Variants in KCNQ1OT1 observed in about 807,000 individuals in gnomAD.
KCNQ1OT1 encodes KCNQ1 antisense RNA 2 (non-protein coding).
Position 2,645,263 on chromosome 11 carries a change from C to A in KCNQ1OT1, n.54732G>T. On this transcript the variant is annotated non_coding_transcript_exon_variant, in exon 1 of 1. Coordinates refer to ENST00000597346, the Ensembl canonical transcript of KCNQ1OT1. The surrounding 1 kb of genome is among the most constrained non-coding windows in gnomAD (Gnocchi z 5.8). Reference sequence around the variant, plus strand: ...GAATGCCAGTTGTGGTGGTAATGGTCAGTTGGGTAGGGCAGTCCTCAAGCC... The same window carrying A: ...GAATGCCAGTTGTGGTGGTAATGGTAAGTTGGGTAGGGCAGTCCTCAAGCC... 2.5e-6 allele frequency: 1 copy of A among 398,606 alleles called. No homozygotes were observed. Among genetic ancestry groups the A allele is most frequent in the South Asian group, 1.3e-4 (1 of 7,826 alleles). The allele number at this position is 398,606 out of a possible 1,614,324, so 24.7% of individuals were successfully genotyped here. A position where few individuals can be genotyped will look rare whatever the true frequency, so the allele number is the denominator to read the frequency against.
At chr11:2,619,413 G>C in exon 1 of KCNQ1OT1, 1 of 398,522 alleles carries the variant, frequency 2.5e-6, no homozygotes, top group Non-Finnish European at 4.4e-6. Flanking sequence ...TACTTTTTGT[G>C]TGTCAATTGA....
At position 2,691,091 on chromosome 11, in the gene KCNQ1OT1, A is replaced by G. The variant is rs559656515; in HGVS notation, n.8904T>C. On this transcript the variant is annotated non_coding_transcript_exon_variant, in exon 1 of 1. Transcript: ENST00000597346. The surrounding 1 kb of genome is among the most constrained non-coding windows in gnomAD (Gnocchi z 6.4). Reference sequence around the variant, plus strand: ...GCACCTTTGTTCTAGATGCCTGCAGATTCCTGACAACAGTAGGGGTGGAGG... The same window carrying G: ...GCACCTTTGTTCTAGATGCCTGCAGGTTCCTGACAACAGTAGGGGTGGAGG... 306 of 398,656 alleles carry G rather than the reference A, an allele frequency of 7.7e-4. 1 individual carries two copies. The highest frequency in any genetic ancestry group is 5.6e-3 in the African/African-American group (273 of 48,740). 24.7% of individuals were successfully genotyped at this position (398,656 alleles called of 1,614,324 possible).
chr11:2,625,844 C>T (rs765950254), exon 1 of KCNQ1OT1: 1 of 398,640 alleles, frequency 2.5e-6, no homozygotes, highest in Non-Finnish European at 4.4e-6. Context: ...ACTGGGATTA[C>T]AGGCGTGAGC....
In KCNQ1OT1 at chr11:2,627,436, C is replaced by T. The variant is rs1353590855; in HGVS notation, n.72559G>A. 2.5e-6 allele frequency: 1 copy of T among 398,324 alleles called. No individual in the cohort carries two copies. Among genetic ancestry groups the T allele is most frequent in the Non-Finnish European group, 4.4e-6 (1 of 226,010 alleles). 24.7% of individuals were successfully genotyped at this position (398,324 alleles called of 1,614,324 possible). On this transcript the variant is annotated non_coding_transcript_exon_variant, in exon 1 of 1. Transcript: ENST00000597346. The surrounding 1 kb of genome is among the most constrained non-coding windows in gnomAD (Gnocchi z 4.9). ...TTCATCTGATAACTCTATGTTTGTA[C>T]CCTTCAACATTTCCTATTTCCCCTA...
At position 2,671,136 on chromosome 11, in the gene KCNQ1OT1, A is replaced by G. The variant is rs1850176686; in HGVS notation, n.28859T>C. The G allele has an allele frequency of 1.0e-5, 4 of 398,540 alleles. No individual in the cohort carries two copies. The highest frequency in any genetic ancestry group is 4.4e-5 in the Admixed American group (1 of 22,716). The allele number at this position is 398,540 out of a possible 1,614,324, so 24.7% of individuals were successfully genotyped here. ...TAGTCTGTCAGGCCTGGTTGGTCCCATGGGAGGCCTGAGGTGCCATCTTAG... is the reference window on the plus strand; with the variant it reads ...TAGTCTGTCAGGCCTGGTTGGTCCCGTGGGAGGCCTGAGGTGCCATCTTAG... On this transcript the variant is annotated non_coding_transcript_exon_variant, in exon 1 of 1. Coordinates refer to ENST00000597346, the Ensembl canonical transcript of KCNQ1OT1. The surrounding 1 kb of genome is among the most constrained non-coding windows in gnomAD (Gnocchi z 4.7).
chr11:2,660,984 A>G, exon 1 of KCNQ1OT1: 1 of 398,640 alleles, frequency 2.5e-6, no homozygotes, highest in Non-Finnish European at 4.4e-6. Context: ...ACTATTATGT[A>G]ATGACTAAAA....
Position 2,663,088 on chromosome 11 carries a change from C to A in KCNQ1OT1, n.36907G>T. On this transcript the variant is annotated non_coding_transcript_exon_variant, in exon 1 of 1. Coordinates refer to ENST00000597346, the Ensembl canonical transcript of KCNQ1OT1. The surrounding 1 kb of genome is among the most constrained non-coding windows in gnomAD (Gnocchi z 5.2). ...GGGTTGGGTAGCCAGAATGAGGCCACCTCCAGGGAAGGAGTGGCTATCTTA... is the reference window on the plus strand; with the variant it reads ...GGGTTGGGTAGCCAGAATGAGGCCAACTCCAGGGAAGGAGTGGCTATCTTA... The A allele has an allele frequency of 2.5e-6, 1 of 398,676 alleles. No homozygotes were observed. The highest frequency in any genetic ancestry group is 4.4e-6 in the Non-Finnish European group (1 of 226,132). The allele number at this position is 398,676 out of a possible 1,614,324, so 24.7% of individuals were successfully genotyped here.
chr11:2,631,253 T>C (rs1849348107), exon 1 of KCNQ1OT1: 2 of 398,410 alleles, frequency 5.0e-6, no homozygotes. Context: ...CCATAAATCC[T>C]GTAAACTTCC....
chr11:2,645,792 G>A lies in KCNQ1OT1; in HGVS notation n.54203C>T, dbSNP rs1237919312. 1 of 398,760 alleles carries A rather than the reference G, an allele frequency of 2.5e-6. No homozygotes were observed. The highest frequency in any genetic ancestry group is 2.1e-5 in the African/African-American group (1 of 48,748). 24.7% of individuals were successfully genotyped at this position (398,760 alleles called of 1,614,324 possible). A position where few individuals can be genotyped will look rare whatever the true frequency, so the allele number is the denominator to read the frequency against. The stretch of plus-strand genomic sequence containing the variant: ...TGGGGCCCACAGCAGATGCAGTCTG[G>A]TGGGGGTTGGGCTATCAAAATGGGA... On this transcript the variant is annotated non_coding_transcript_exon_variant, in exon 1 of 1. Coordinates refer to ENST00000597346, the Ensembl canonical transcript of KCNQ1OT1. This position sits in a 1 kb window ranked among gnomAD's most constrained non-coding sequence, Gnocchi z 5.8.
chr11:2,639,050 G>A (rs925393678), exon 1 of KCNQ1OT1: 2 of 152,212 alleles, frequency 1.3e-5, no homozygotes, highest in Non-Finnish European at 2.9e-5. Flanking sequence ...CTTGTGCCAT[G>A]GTTTTCTGCT....
Position 2,645,754 on chromosome 11 carries a change from A to G in KCNQ1OT1, n.54241T>C. ...GGATGTCCATGGGGCTCCAGGGATGAGATAGAGGGATGTGGGGCCCACAGC... is the reference window on the plus strand; with the variant it reads ...GGATGTCCATGGGGCTCCAGGGATGGGATAGAGGGATGTGGGGCCCACAGC... On this transcript the variant is annotated non_coding_transcript_exon_variant, in exon 1 of 1. Coordinates refer to ENST00000597346, the Ensembl canonical transcript of KCNQ1OT1. The surrounding 1 kb of genome is among the most constrained non-coding windows in gnomAD (Gnocchi z 5.8). 1 of 398,786 alleles carries G rather than the reference A, an allele frequency of 2.5e-6. No individual in the cohort carries two copies. Among genetic ancestry groups the G allele is most frequent in the East Asian group, 3.6e-5 (1 of 28,072 alleles). The allele number at this position is 398,786 out of a possible 1,614,324, so 24.7% of individuals were successfully genotyped here.
Position 2,673,979 on chromosome 11 carries a change from G to C in KCNQ1OT1, n.26016C>G, listed in dbSNP as rs998681304. On this transcript the variant is annotated non_coding_transcript_exon_variant, in exon 1 of 1. Coordinates refer to ENST00000597346, the Ensembl canonical transcript of KCNQ1OT1. The surrounding 1 kb of genome is among the most constrained non-coding windows in gnomAD (Gnocchi z 4.5). ...CAGCCACAAGGGGATGCCCAGCATTGGGGGTGGGGTGGGGGGAGGGCCCTC... is the reference window on the plus strand; with the variant it reads ...CAGCCACAAGGGGATGCCCAGCATTCGGGGTGGGGTGGGGGGAGGGCCCTC... 4.2e-6 allele frequency: 1 copy of C among 235,742 alleles called. No homozygotes were observed. The highest frequency in any genetic ancestry group is 2.3e-5 in the African/African-American group (1 of 43,120). 14.6% of individuals were successfully genotyped at this position (235,742 alleles called of 1,614,324 possible). A position where few individuals can be genotyped will look rare whatever the true frequency, so the allele number is the denominator to read the frequency against.
At position 2,669,586 on chromosome 11, in the gene KCNQ1OT1, C is replaced by T. The variant is rs925801316; in HGVS notation, n.30409G>A. 2.5e-6 allele frequency: 1 copy of T among 398,516 alleles called. No homozygotes were observed. The highest frequency in any genetic ancestry group is 4.4e-6 in the Non-Finnish European group (1 of 226,084). 24.7% of individuals were successfully genotyped at this position (398,516 alleles called of 1,614,324 possible). A position where few individuals can be genotyped will look rare whatever the true frequency, so the allele number is the denominator to read the frequency against. On this transcript the variant is annotated non_coding_transcript_exon_variant, in exon 1 of 1. Coordinates refer to ENST00000597346, the Ensembl canonical transcript of KCNQ1OT1. This position sits in a 1 kb window ranked among gnomAD's most constrained non-coding sequence, Gnocchi z 5.6. ...GGCCAGCTTGGGTCATTTCATCCTGCCCACAGGACACTGGGGCAGTCACCT... is the reference window on the plus strand; with the variant it reads ...GGCCAGCTTGGGTCATTTCATCCTGTCCACAGGACACTGGGGCAGTCACCT...
chr11:2,626,523 A>G lies in KCNQ1OT1; in HGVS notation n.73472T>C. ...TAGTTTTGATTACTGTAGCTTCGTAATAAGTTGGGGTTTTTGTTTGTTTTT... is the reference window on the plus strand; with the variant it reads ...TAGTTTTGATTACTGTAGCTTCGTAGTAAGTTGGGGTTTTTGTTTGTTTTT... On this transcript the variant is annotated non_coding_transcript_exon_variant, in exon 1 of 1. Transcript: ENST00000597346. This position sits in a 1 kb window ranked among gnomAD's most constrained non-coding sequence, Gnocchi z 4.0. 2.5e-6 allele frequency: 1 copy of G among 398,506 alleles called. No homozygotes were observed. The highest frequency in any genetic ancestry group is 4.4e-6 in the Non-Finnish European group (1 of 226,058). The allele number at this position is 398,506 out of a possible 1,614,324, so 24.7% of individuals were successfully genotyped here.
At chr11:2,650,106 CATTTA>C in exon 1 of KCNQ1OT1, 1 of 398,282 alleles carries the variant, frequency 2.5e-6, no homozygotes, top group Non-Finnish European at 4.4e-6. Flanking sequence ...TTATTTCATT[CATTTA>C]ATTTATCACC....
At chr11:2,632,118 G>A in exon 1 of KCNQ1OT1, 1 of 391,282 alleles carries the variant, frequency 2.6e-6, no homozygotes, top group Non-Finnish European at 4.4e-6. Context: ...GGGAGGCAGA[G>A]CTTGCAGTGA....
Position 2,671,262 on chromosome 11 carries a change from A to T in KCNQ1OT1, n.28733T>A. The T allele has an allele frequency of 5.0e-6, 2 of 398,630 alleles. No individual in the cohort carries two copies. The highest frequency in any genetic ancestry group is 8.8e-6 in the Non-Finnish European group (2 of 226,082). The allele number at this position is 398,630 out of a possible 1,614,324, so 24.7% of individuals were successfully genotyped here. ...GACCTCAAAATCCGATGTCCCCACC[A>T]TCCCCAGCCCCTTAGCCTCTGATCT... On this transcript the variant is annotated non_coding_transcript_exon_variant, in exon 1 of 1. Coordinates refer to ENST00000597346, the Ensembl canonical transcript of KCNQ1OT1. This position sits in a 1 kb window ranked among gnomAD's most constrained non-coding sequence, Gnocchi z 4.7.
At chr11:2,656,356 G>C (rs1849848064) in exon 1 of KCNQ1OT1, 3 of 398,510 alleles carry the variant, frequency 7.5e-6, no homozygotes, top group Non-Finnish European at 1.3e-5. Flanking sequence ...CATTCTTCAA[G>C]CCTTACAGGT....
chr11:2,632,356 CTTTA>C (rs1261887595), exon 1 of KCNQ1OT1: 3 of 398,096 alleles, frequency 7.5e-6, no homozygotes, highest in Non-Finnish European at 1.3e-5. Context: ...TAAATGATGC[CTTTA>C]TTTCTTTTCC....
Sources: allele counts gnomAD v4.1 joint callset, GRCh38; gene constraint gnomAD v4.1.1; non-coding constraint Gnocchi (gnomAD v3.1); transcripts MANE v1.5; gene names NCBI Gene and HGNC (gene_info 2026-07-23, HGNC 2026-07-21).